The following PCDHGA3 variants were observed in gnomAD, a reference collection of about 807,000 sequenced individuals.
The protein encoded by PCDHGA3 is protocadherin gamma-A3.
PCDHGA3 carries 40 observed loss-of-function variants against 58.5 expected under a neutral mutation model. The observed-to-expected ratio is 0.68, with a 90% CI of 0.53 to 0.89. PCDHGA3 has a LOEUF of 0.89. PCDHGA3 is among the 40% of genes least tolerant of loss of function. PCDHGA3 has a pLI of 0.00. For synonymous variants in PCDHGA3, 530 were observed against 525.7 expected (o/e 1.01, Z -0.11); for missense variants, 1,223 against 1,195.9 (o/e 1.02, Z -0.33).
chr5:141,390,346 A>C, intron 1 of PCDHGA3: 1 of 1,576,446 alleles, frequency 6.3e-7, no homozygotes, highest in African/African-American at 1.4e-5. Context: ...TCACAAGAAA[A>C]TATACATATT....
rs778766941 is a variant in PCDHGA3, at chr5:141,357,128, T to C, written c.2424+10671T>C. 7.4e-6 allele frequency: 12 copies of C among 1,613,574 alleles called. No homozygotes were observed. The highest frequency in any genetic ancestry group is 3.3e-5 in the Admixed American group (2 of 60,028). On this transcript the variant is annotated intron_variant, in intron 1 of 3. Coordinates refer to ENST00000253812, the MANE Select transcript of PCDHGA3 (RefSeq NM_018916.4). ...AGAGACGCGCTCAAGCAGAGGCTTG[T>C]AGTGGTCGTCCAGGACCATGGCCAG... is the stretch of plus-strand genomic sequence containing the variant.
At chr5:141,404,315 G>T (rs775576610) in intron 1 of PCDHGA3, 2 of 1,613,886 alleles carry the variant, frequency 1.2e-6, no homozygotes, top group African/African-American at 2.7e-5. Context: ...TTTCTCTCAA[G>T]CCTCCTACTC....
intron 1 of PCDHGA3, chr5:141,379,765 A>G (rs1294190356): frequency 6.6e-6 from 1 of 152,120 alleles, no homozygotes; most frequent in Non-Finnish European, 1.5e-5. Context: ...CACCTGCAAT[A>G]CAGATCATTA....
At chr5:141,460,411 T>TG (rs2098988114) in intron 1 of PCDHGA3, among the ~76,000 whole-genome samples, 1 of 152,212 alleles carries the variant, frequency 6.6e-6, no homozygotes, top group Non-Finnish European at 1.5e-5. Context: ...TTTGAGTTGA[T>TG]GTTTATGTAT....
At chr5:141,374,520 C>G (rs1178494066) in intron 1 of PCDHGA3, 3 of 1,612,422 alleles carry the variant, frequency 1.9e-6, no homozygotes, top group Non-Finnish European at 2.5e-6. Flanking sequence ...CTCGAAAACG[C>G]AGCTCCATCC....
At chr5:141,394,785 G>C in intron 1 of PCDHGA3, 2 of 1,613,722 alleles carry the variant, frequency 1.2e-6, no homozygotes, top group South Asian at 2.2e-5. Flanking sequence ...CTCCGCCACT[G>C]TCACGCTCAC....
rs571588941 is a variant in PCDHGA3, at chr5:141,428,181, A to T, written c.2425-66626A>T. The T allele has an allele frequency of 1.2e-4, 181 of 1,486,230 alleles. 2 individuals carry two copies. In the South Asian group the frequency reaches 2.0e-3, roughly 16 times the overall value. The allele number at this position is 1,486,230 out of a possible 1,614,324, so 92.1% of individuals were successfully genotyped here. A position where few individuals can be genotyped will look rare whatever the true frequency, so the allele number is the denominator to read the frequency against. ...CTGGTTGCTGTGCGTGACGGAGGAC[A>T]GCCGCCGCTCTCTGCGCCGCTACGC... On this transcript the variant is annotated intron_variant, in intron 1 of 3. Coordinates refer to ENST00000253812, the MANE Select transcript of PCDHGA3 (RefSeq NM_018916.4).
At chr5:141,466,938 G>C (rs985959499) in intron 1 of PCDHGA3, among the ~76,000 whole-genome samples, 1 of 151,854 alleles carries the variant, frequency 6.6e-6, no homozygotes, top group Non-Finnish European at 1.5e-5. Context: ...TTAGTCCTTT[G>C]TCCAGTAAAC....
chr5:141,470,550 A>G (rs899475300), intron 1 of PCDHGA3, among the ~76,000 whole-genome samples: 1 of 152,120 alleles, frequency 6.6e-6, no homozygotes, highest in Non-Finnish European at 1.5e-5. Flanking sequence ...ATTTATTGAG[A>G]GTTTCCTCTG....
At chr5:141,383,956 A>G (rs1279675225) in intron 1 of PCDHGA3, 3 of 1,613,670 alleles carry the variant, frequency 1.9e-6, no homozygotes, top group Non-Finnish European at 2.5e-6. Context: ...GACGTCTTTA[A>G]GTAGCTCAAT....
chr5:141,454,232 G>T (rs2098784520), intron 1 of PCDHGA3, among the ~76,000 whole-genome samples: 1 of 152,146 alleles, frequency 6.6e-6, no homozygotes, highest in African/African-American at 2.4e-5. Context: ...TAATTGTGAT[G>T]AAAAGGATGA....
intron 1 of PCDHGA3, chr5:141,430,452 A>G (rs566189732): frequency 2.0e-3 from 408 of 202,442 alleles, no homozygotes; most frequent in South Asian, 3.8e-3. Context: ...CCTTTTGAAG[A>G]ACAGTAGGTG....
At chr5:141,357,606 A>G in intron 1 of PCDHGA3, 1 of 1,614,052 alleles carries the variant, frequency 6.2e-7, no homozygotes, top group Middle Eastern at 1.7e-4. Flanking sequence ...AAACAAAAGG[A>G]GACCCTAATC....
intron 1 of PCDHGA3, chr5:141,352,285 T>C (rs750239833): frequency 1.9e-6 from 3 of 1,613,662 alleles, no homozygotes; most frequent in Non-Finnish European, 2.5e-6. Flanking sequence ...GCGACCGCCC[T>C]GAGCCCTCTG....
intron 1 of PCDHGA3, chr5:141,365,007 C>A (rs776739278): frequency 1.9e-6 from 3 of 1,613,922 alleles, no homozygotes; most frequent in Non-Finnish European, 2.5e-6. Flanking sequence ...TCCGGCACCA[C>A]GCACATCCGT....
chr5:141,362,229 G>T, intron 1 of PCDHGA3: 2 of 1,614,030 alleles, frequency 1.2e-6, no homozygotes, highest in Non-Finnish European at 1.7e-6. Context: ...CCTTGGCCTT[G>T]ATCTCAGTGC....
In PCDHGA3 at chr5:141,406,998, A is replaced by G. The variant is rs138992041; in HGVS notation, c.2424+60541A>G. ...AACATTTCACAAGACATTTGAAAAT[A>G]AGCTTTGAAGTTGACTCAAAATTCT... On this transcript the variant is annotated intron_variant, in intron 1 of 3. Transcript: ENST00000253812. 7.5e-3 allele frequency among the ~76,000 whole-genome samples: 1,140 copies of G among 152,352 alleles called. 5 individuals carry two copies. The highest frequency in any genetic ancestry group is 0.012 in the Non-Finnish European group (837 of 68,024).
At chr5:141,474,745 C>T (rs935430941) in intron 1 of PCDHGA3, among the ~76,000 whole-genome samples, 2 of 152,174 alleles carry the variant, frequency 1.3e-5, no homozygotes, top group East Asian at 3.9e-4. Context: ...AAGTGATGTC[C>T]AAGACAAATA....
intron 1 of PCDHGA3, among the ~76,000 whole-genome samples, chr5:141,402,286 C>T (rs2094248272): frequency 6.6e-6 from 1 of 151,638 alleles, no homozygotes; most frequent in Non-Finnish European, 1.5e-5. Flanking sequence ...ATAATCTATC[C>T]TTATATATGT....
Sources: gnomAD v4.1 joint callset for allele counts (sites outside exome capture counted in the v4.1 genomes callset) on GRCh38, gnomAD v4.1.1 for gene constraint, MANE v1.5 for transcripts, NCBI Gene and HGNC (gene_info 2026-07-23, HGNC 2026-07-21) for gene names.